The following NR2C1 variants were observed in gnomAD, a reference collection of about 807,000 sequenced individuals.
NR2C1 encodes the protein TR2 nuclear hormone receptor.
NR2C1 carries 33 observed loss-of-function variants against 74.8 expected under a neutral mutation model. The ratio of observed to expected loss-of-function variants is 0.44; its 90% confidence interval spans 0.33 to 0.59. The LOEUF (loss-of-function observed/expected upper bound fraction) is 0.59, where lower values mean the gene tolerates loss of function less well. NR2C1 is among the 20% of genes least tolerant of loss of function. NR2C1 has a pLI of 0.02. For missense variants in NR2C1, 568 were observed against 715.6 expected, an observed-to-expected ratio of 0.79 and a Z score of 2.35; for synonymous variants, 225 against 240.6, an observed-to-expected ratio of 0.94 and a Z score of 0.60.
chr12:95,043,730 A>T (rs898316176), intron 9 of NR2C1, among the ~76,000 whole-genome samples: 1 of 151,798 alleles, frequency 6.6e-6, no homozygotes, highest in African/African-American at 2.4e-5. Flanking sequence ...TTAAAATTGC[A>T]TTTAAATAAA....
chr12:95,055,675 C>T (rs2252559), intron 7 of NR2C1, among the ~76,000 whole-genome samples: 17,797 of 152,038 alleles, frequency 0.12, 1,410 homozygotes, highest in Non-Finnish European at 0.18. Context: ...AGATCCCGGC[C>T]GGGCGCAGTG....
At chr12:95,041,637 T>C (rs1871540519) in intron 9 of NR2C1, among the ~76,000 whole-genome samples, 2 of 152,222 alleles carry the variant, frequency 1.3e-5, no homozygotes, top group South Asian at 4.1e-4. Flanking sequence ...GAAACTTTTT[T>C]CTACTTTGTA....
At chr12:95,061,089 G>T (rs1874708660) in intron 3 of NR2C1, among the ~76,000 whole-genome samples, 1 of 152,142 alleles carries the variant, frequency 6.6e-6, no homozygotes, top group Non-Finnish European at 1.5e-5. Flanking sequence ...ATCAGACCAA[G>T]TCCAATAGTG....
At chr12:95,035,676 A>G (rs1018420843) in intron 10 of NR2C1, among the ~76,000 whole-genome samples, 11 of 152,236 alleles carry the variant, frequency 7.2e-5, no homozygotes, top group Non-Finnish European at 1.3e-4. Context: ...GTAGAAACCA[A>G]CTACAGAAAG....
chr12:95,033,361 A>G (rs1050472896), intron 10 of NR2C1, among the ~76,000 whole-genome samples: 3 of 152,154 alleles, frequency 2.0e-5, no homozygotes, highest in Admixed American at 6.6e-5. Flanking sequence ...GAAGGTTCAG[A>G]TAAGGTGGTT....
intron 7 of NR2C1, among the ~76,000 whole-genome samples, chr12:95,057,197 C>A (rs1231630628): frequency 4.7e-5 from 7 of 149,324 alleles, no homozygotes; most frequent in Non-Finnish European, 8.9e-5. Flanking sequence ...CTCCACCTAC[C>A]GGGTTCAAGC....
At chr12:95,029,650 TG>T (rs1869814499) in intron 11 of NR2C1, among the ~76,000 whole-genome samples, 1 of 150,398 alleles carries the variant, frequency 6.6e-6, no homozygotes, top group South Asian at 2.1e-4. Flanking sequence ...CTCTGCTTCC[TG>T]GGTTCAAGCA....
chr12:95,062,573 G>T lies in NR2C1; in HGVS notation c.220C>A (p.Pro74Thr). 6.2e-7 allele frequency: 1 copy of T among 1,613,932 alleles called. No homozygotes were observed. Among genetic ancestry groups the T allele is most frequent in the Non-Finnish European group, 8.5e-7 (1 of 1,179,902 alleles). Residue 74 changes from proline (P) to threonine (T), a missense_variant, in exon 3 of 14, where the codon CCA becomes ACA. Transcript: ENST00000333003. ...AACTGGTTGACACCTGCTGCATCTGGAGTTGTAAGGAAAACTTTTCCCGGA... is the reference window on the plus strand; with the variant it reads ...AACTGGTTGACACCTGCTGCATCTGTAGTTGTAAGGAAAACTTTTCCCGGA... ...STPGKVFLTT[P>T]DAAGVNQLFF... is the part of the protein sequence containing the mutation.
intron 11 of NR2C1, 139 bp from the exon 12 acceptor site, chr12:95,028,663 C>T (rs915876687): frequency 7.4e-5 from 47 of 631,102 alleles, no homozygotes; most frequent in Non-Finnish European, 1.2e-4. Flanking sequence ...TTACTCCTGT[C>T]GCCCAGGTGG....
intron 9 of NR2C1, among the ~76,000 whole-genome samples, chr12:95,043,751 TTGTAA>T (rs1357877132): frequency 6.6e-6 from 1 of 151,544 alleles, no homozygotes; most frequent in Non-Finnish European, 1.5e-5. Context: ...ATATTAATAC[TTGTAA>T]TGTGTAAACA....
At position 95,049,118 on chromosome 12, in the gene NR2C1, A is replaced by G; in HGVS notation, c.1081T>C (p.Tyr361His). ...HLITGDSSIN[Y>H]TEKEGPLLSD... is the part of the protein sequence containing the mutation. ...AGAAGTGGCCCCTCTTTTTCGGTGT[A>G]ATTTATGCTTGAATCTCCAGTGATT... Residue 361 changes from tyrosine to histidine, a missense_variant, in exon 9 of 14, where the codon TAC becomes CAC. Coordinates refer to ENST00000333003, the MANE Select transcript of NR2C1 (RefSeq NM_003297.4). 6.2e-7 allele frequency: 1 copy of G among 1,614,006 alleles called. No homozygotes were observed. The highest frequency in any genetic ancestry group is 1.3e-5 in the African/African-American group (1 of 75,020).
intron 8 of NR2C1, 29 bp from the exon 9 acceptor site, chr12:95,049,262 T>G (rs763706464): frequency 6.3e-7 from 1 of 1,589,640 alleles, no homozygotes; most frequent in Non-Finnish European, 8.6e-7. Flanking sequence ...AGCTATGAGC[T>G]TGACCAAACA....
chr12:95,061,815 C>T (rs1422811227), intron 3 of NR2C1, among the ~76,000 whole-genome samples: 3 of 152,228 alleles, frequency 2.0e-5, no homozygotes, highest in Non-Finnish European at 4.4e-5. Context: ...AAAACATCGA[C>T]ATAACCACAG....
chr12:95,039,004 TAGG>T (rs1219608377), intron 10 of NR2C1, among the ~76,000 whole-genome samples: 7 of 152,074 alleles, frequency 4.6e-5, no homozygotes, highest in South Asian at 2.1e-4. Flanking sequence ...GGCATCCATA[TAGG>T]AGGATTGCTT....
intron 7 of NR2C1, among the ~76,000 whole-genome samples, chr12:95,055,102 C>T (rs1017097428): frequency 2.6e-5 from 4 of 152,196 alleles, no homozygotes; most frequent in Non-Finnish European, 5.9e-5. Context: ...GATCCCAAGG[C>T]AGAAGAATTT....
At chr12:95,063,240 G>A (rs1450775203) in intron 2 of NR2C1, among the ~76,000 whole-genome samples, 2 of 152,228 alleles carry the variant, frequency 1.3e-5, no homozygotes, top group African/African-American at 4.8e-5. Context: ...AAAGGCCTGA[G>A]TGAAGAAACA....
At chr12:95,044,967 GA>G (rs1426089452) in intron 9 of NR2C1, among the ~76,000 whole-genome samples, 4 of 152,160 alleles carry the variant, frequency 2.6e-5, no homozygotes, top group Non-Finnish European at 5.9e-5. Context: ...TTGGGAGGTC[GA>G]GGTGGGAAGA....
chr12:95,051,735 G>A (rs748253653), intron 8 of NR2C1, 27 bp downstream of exon 8: 2 of 1,562,926 alleles, frequency 1.3e-6, no homozygotes, highest in East Asian at 4.6e-5. Context: ...TAAACAAAAG[G>A]ACATTGATAA....
At chr12:95,067,465 A>G (rs1398387406) in intron 1 of NR2C1, 74 bp from the exon 2 acceptor site, 16 of 1,127,586 alleles carry the variant, frequency 1.4e-5, no homozygotes, top group Non-Finnish European at 2.1e-5. Flanking sequence ...AAATAAAACT[A>G]TATGATATTT....
Sources: allele counts gnomAD v4.1 joint callset (sites outside exome capture counted in the v4.1 genomes callset), GRCh38; gene constraint gnomAD v4.1.1; transcripts MANE v1.5; gene names NCBI Gene and HGNC (gene_info 2026-07-23, HGNC 2026-07-21).